C9orf153: variants seen among roughly 807,000 people sequenced by gnomAD.
The protein encoded by C9orf153 is chromosome 9 open reading frame 153, also known as uncharacterized protein C9orf153.
In C9orf153, 10 loss-of-function variants were observed where a neutral mutation model predicts 9.0. The observed-to-expected ratio is 1.11, with a 90% confidence interval of 0.69 to 1.89. The LOEUF (loss-of-function observed/expected upper bound fraction) is 1.89, where lower values mean the gene tolerates loss of function less well. C9orf153 is among the 40% of genes most tolerant of loss of function. The pLI is 0.00. For missense variants in C9orf153, 108 were observed against 111.0 expected (o/e 0.97, Z 0.12); for synonymous variants, 35 against 37.3 (o/e 0.94, Z 0.23).
intron 1 of C9orf153, among the ~76,000 whole-genome samples, chr9:86,254,867 C>G (rs1252774407): frequency 6.6e-6 from 1 of 152,072 alleles, no homozygotes; most frequent in Non-Finnish European, 1.5e-5. Context: ...GACCAGCCAG[C>G]CAGCCTGGCA....
intron 1 of C9orf153, among the ~76,000 whole-genome samples, chr9:86,251,404 T>C (rs1824990299): frequency 6.6e-6 from 1 of 152,170 alleles, no homozygotes; most frequent in Non-Finnish European, 1.5e-5. Context: ...ACAGTTAAAA[T>C]TGCTTACTTT....
chr9:86,257,153 C>G (rs1402452037), intron 1 of C9orf153, among the ~76,000 whole-genome samples: 1 of 152,136 alleles, frequency 6.6e-6, no homozygotes, highest in Non-Finnish European at 1.5e-5. Context: ...AATCAATGTC[C>G]CCAGGGTTGC....
At chr9:86,233,697 G>A (rs1288789291) in intron 1 of C9orf153, among the ~76,000 whole-genome samples, 2 of 152,016 alleles carry the variant, frequency 1.3e-5, no homozygotes, top group African/African-American at 2.4e-5. Context: ...TATTACAGGT[G>A]TGAGCCACTG....
At chr9:86,236,343 G>A (rs879944385) in intron 1 of C9orf153, among the ~76,000 whole-genome samples, 1 of 152,042 alleles carries the variant, frequency 6.6e-6, no homozygotes, top group Non-Finnish European at 1.5e-5. Flanking sequence ...GAAGTCAGGA[G>A]TTCGAGACCA....
intron 3 of C9orf153, among the ~76,000 whole-genome samples, chr9:86,225,411 C>CTCCTTCCT (rs72315837): frequency 3.8e-5 from 5 of 132,058 alleles, no homozygotes; most frequent in Non-Finnish European, 6.4e-5. Flanking sequence ...CTCTCTCTCT[C>CTCCTTCCT]TCCTTCCTTC....
At chr9:86,256,300 C>T (rs769248575) in intron 1 of C9orf153, among the ~76,000 whole-genome samples, 1 of 152,172 alleles carries the variant, frequency 6.6e-6, no homozygotes, top group Non-Finnish European at 1.5e-5. Context: ...ACTACTGTCT[C>T]CATCATTATT....
intron 1 of C9orf153, among the ~76,000 whole-genome samples, chr9:86,247,305 GTCTTTTTCA>G (rs1375975341): frequency 6.6e-6 from 1 of 152,128 alleles, no homozygotes; most frequent in Non-Finnish European, 1.5e-5. Context: ...CTGCCAGGCT[GTCTTTTTCA>G]TCTTTTTCTT....
intron 1 of C9orf153, among the ~76,000 whole-genome samples, chr9:86,248,111 T>A (rs1587808788): frequency 6.6e-6 from 1 of 152,142 alleles, no homozygotes; most frequent in Non-Finnish European, 1.5e-5. Context: ...TGCACTTTAT[T>A]TATTTTTTCT....
At chr9:86,225,519 C>T (rs906996313) in intron 3 of C9orf153, among the ~76,000 whole-genome samples, 4 of 151,606 alleles carry the variant, frequency 2.6e-5, no homozygotes, top group African/African-American at 4.9e-5. Flanking sequence ...AGTGTAGTGG[C>T]GCGATCTTGG....
intron 1 of C9orf153, among the ~76,000 whole-genome samples, chr9:86,245,372 T>G (rs141451064): frequency 6.6e-6 from 1 of 152,332 alleles, no homozygotes; most frequent in East Asian, 1.9e-4. Context: ...CCTTTCATCT[T>G]GTAAAACTGA....
intron 3 of C9orf153, among the ~76,000 whole-genome samples, chr9:86,224,088 CA>C (rs1824265531): frequency 2.0e-5 from 3 of 152,022 alleles, no homozygotes; most frequent in African/African-American, 7.2e-5. Flanking sequence ...GATACCATCT[CA>C]AAAAAATGTA....
At chr9:86,244,699 T>C (rs1432573175) in intron 1 of C9orf153, among the ~76,000 whole-genome samples, 1 of 152,206 alleles carries the variant, frequency 6.6e-6, no homozygotes, top group South Asian at 2.1e-4. Flanking sequence ...AGACGAAGAA[T>C]ATCGGGAACA....
chr9:86,233,152 C>T (rs948224334), intron 1 of C9orf153, among the ~76,000 whole-genome samples: 1 of 152,140 alleles, frequency 6.6e-6, no homozygotes, highest in African/African-American at 2.4e-5. Context: ...CTCATGTTCC[C>T]CAATGGCTCC....
intron 1 of C9orf153, among the ~76,000 whole-genome samples, chr9:86,242,717 C>T (rs937293324): frequency 6.6e-6 from 1 of 152,164 alleles, no homozygotes; most frequent in Admixed American, 6.5e-5. Context: ...CTCACTCTGT[C>T]GCCCAGGCTG....
chr9:86,235,090 T>C (rs975979264), intron 1 of C9orf153, among the ~76,000 whole-genome samples: 1 of 152,136 alleles, frequency 6.6e-6, no homozygotes, highest in African/African-American at 2.4e-5. Flanking sequence ...GAAGAGCCAG[T>C]ACAGGAATCA....
intron 2 of C9orf153, 39 bp from the exon 3 acceptor site, chr9:86,228,069 C>A (rs934660193): frequency 9.6e-6 from 14 of 1,452,680 alleles, no homozygotes; most frequent in East Asian, 7.3e-5. Flanking sequence ...ACGAGACTGA[C>A]AAAAATGTAA....
At position 86,221,630 on chromosome 9, in the gene C9orf153, G is replaced by A; in HGVS notation, c.*58C>T. On this transcript the variant is annotated 3_prime_UTR_variant, in exon 4 of 4. Transcript: ENST00000339137. ...GGCTCTCTACAAATCTCTTCTCAGT[G>A]TTGTATTTTATGTCTCCGAATGAAA... The A allele has an allele frequency of 6.5e-7, 1 of 1,540,244 alleles. No homozygotes were observed. The highest frequency in any genetic ancestry group is 1.2e-5 in the South Asian group (1 of 82,466).
intron 1 of C9orf153, among the ~76,000 whole-genome samples, chr9:86,255,034 C>T (rs1825084176): frequency 1.5e-5 from 2 of 134,312 alleles, no homozygotes; most frequent in South Asian, 5.2e-4. Flanking sequence ...CACTGCACTC[C>T]AGCCTGAAAG....
At chr9:86,229,764 T>G in intron 1 of C9orf153, 135 bp from the exon 2 acceptor site, 1 of 581,104 alleles carries the variant, frequency 1.7e-6, no homozygotes, top group Non-Finnish European at 3.1e-6. Flanking sequence ...CCTGTATTAG[T>G]CCATTCTTGA....
Sources: allele counts gnomAD v4.1 joint callset (sites outside exome capture counted in the v4.1 genomes callset), GRCh38; gene constraint gnomAD v4.1.1; transcripts MANE v1.5; gene names NCBI Gene and HGNC (gene_info 2026-07-23, HGNC 2026-07-21).